C9orf85: variants seen among roughly 807,000 people sequenced by gnomAD.
The protein encoded by C9orf85 is chromosome 9 open reading frame 85, also known as uncharacterized protein C9orf85.
A neutral mutation model predicts 14.9 loss-of-function variants in C9orf85; 16 were observed. The observed-to-expected ratio is 1.08, with a 90% CI of 0.73 to 1.63. The LOEUF (loss-of-function observed/expected upper bound fraction) is 1.63, where lower values mean the gene tolerates loss of function less well. Among genes scored for constraint, C9orf85 ranks in the 40% most tolerant of loss-of-function variants. C9orf85 has a pLI of 0.00. For synonymous variants in C9orf85, 45 were observed against 56.8 expected (o/e 0.79, Z 0.93); for missense variants, 172 against 186.1 (o/e 0.92, Z 0.44).
chr9:71,939,211 TTGTATGATTTTCTTA>T (rs1828271883), intron 1 of C9orf85, among the ~76,000 whole-genome samples: 1 of 151,912 alleles, frequency 6.6e-6, no homozygotes, highest in Non-Finnish European at 1.5e-5. Context: ...TGCTATATTA[TTGTATGATTTTCTTA>T]TGTGTGATTT....
At chr9:71,931,326 A>G (rs1396516400) in intron 1 of C9orf85, among the ~76,000 whole-genome samples, 7 of 152,146 alleles carry the variant, frequency 4.6e-5, no homozygotes, top group Non-Finnish European at 1.0e-4. Flanking sequence ...GTTTCTGCGT[A>G]TGCTAGACTA....
intron 1 of C9orf85, among the ~76,000 whole-genome samples, chr9:71,933,649 C>G (rs2132279814): frequency 6.6e-6 from 1 of 152,250 alleles, no homozygotes; most frequent in Admixed American, 6.5e-5. Context: ...AAGTTATATT[C>G]AGGAGATACT....
chr9:71,933,889 T>A (rs1828128738), intron 1 of C9orf85, among the ~76,000 whole-genome samples: 1 of 152,184 alleles, frequency 6.6e-6, no homozygotes. Context: ...CCCGAATTTT[T>A]AGACAAAGTT....
intron 2 of C9orf85, among the ~76,000 whole-genome samples, chr9:71,967,713 CTTTTTTTTTT>C (rs55750667): frequency 1.6e-4 from 15 of 94,086 alleles, no homozygotes; most frequent in Admixed American, 8.3e-4. Context: ...TATGACCTTT[CTTTTTTTTTT>C]TTTTTTTTTT....
At chr9:71,925,031 T>C (rs1827897898) in intron 1 of C9orf85, among the ~76,000 whole-genome samples, 1 of 152,200 alleles carries the variant, frequency 6.6e-6, no homozygotes, top group Non-Finnish European at 1.5e-5. Flanking sequence ...TCTCATATGA[T>C]GATTCAATGT....
At chr9:71,944,200 C>T (rs1822023373) in intron 1 of C9orf85, among the ~76,000 whole-genome samples, 1 of 149,390 alleles carries the variant, frequency 6.7e-6, no homozygotes, top group South Asian at 2.1e-4. Flanking sequence ...CCCCACTGCA[C>T]ACCAGTCTGG....
At chr9:71,949,850 T>C (rs1822200244) in intron 2 of C9orf85, among the ~76,000 whole-genome samples, 1 of 152,186 alleles carries the variant, frequency 6.6e-6, no homozygotes, top group Admixed American at 6.5e-5. Flanking sequence ...TTTTTAGAGA[T>C]AAGCATGGTC....
At position 71,912,521 on chromosome 9, in the gene C9orf85, T is replaced by C. The variant is rs1002099329; in HGVS notation, c.102+685T>C. Among the ~76,000 whole-genome samples the C allele has an allele frequency of 2.6e-5, 4 of 151,546 alleles. No individual in the cohort carries two copies. In the East Asian group the frequency reaches 7.7e-4, roughly 29 times the overall value. On this transcript the variant is annotated intron_variant, in intron 1 of 3. Coordinates refer to ENST00000334731, the MANE Select transcript of C9orf85 (RefSeq NM_182505.5). ...CAGCACTTTGGGAGGCCGAAGCGGG[T>C]GGATCACCTGAGGTCAGGAGTTCGA... is the stretch of plus-strand genomic sequence containing the variant.
intron 2 of C9orf85, among the ~76,000 whole-genome samples, chr9:71,967,775 GA>G (rs1822736992): frequency 7.6e-6 from 1 of 130,958 alleles, no homozygotes; most frequent in Non-Finnish European, 1.5e-5. Context: ...ATATCATGCT[GA>G]AAAGGAGTGT....
intron 2 of C9orf85, among the ~76,000 whole-genome samples, chr9:71,968,101 T>TAG (rs3044594): frequency 0.012 from 1,759 of 146,792 alleles, 35 homozygotes; most frequent in African/African-American, 0.04. Context: ...TATATATATA[T>TAG]AGAGAGAGAG....
At chr9:71,926,121 G>T (rs553221979) in intron 1 of C9orf85, among the ~76,000 whole-genome samples, 1 of 152,296 alleles carries the variant, frequency 6.6e-6, no homozygotes, top group African/African-American at 2.4e-5. Context: ...CAGAGCCAGG[G>T]ATTGTATAAT....
Position 71,935,890 on chromosome 9 carries a change from G to C in C9orf85, c.103-11116G>C, listed in dbSNP as rs151182075. Among the ~76,000 whole-genome samples the C allele has an allele frequency of 3.4e-3, 295 of 86,942 alleles. 1 individual carries two copies. The highest frequency in any genetic ancestry group is 0.011 in the African/African-American group (284 of 25,002). The allele number at this position is 86,942 out of a possible 152,430, so 57.0% of individuals were successfully genotyped here. Reference sequence around the variant, plus strand: ...TAAGTTGGTAAATTTTATGCTCTGTGTATTTACCAGGGGAGAAACAGAAAA... The same window carrying C: ...TAAGTTGGTAAATTTTATGCTCTGTCTATTTACCAGGGGAGAAACAGAAAA... On this transcript the variant is annotated intron_variant, in intron 1 of 3. Transcript: ENST00000334731.
intron 2 of C9orf85, among the ~76,000 whole-genome samples, chr9:71,961,889 C>T (rs891030015): frequency 3.9e-5 from 6 of 151,942 alleles, no homozygotes; most frequent in African/African-American, 1.2e-4. Context: ...ATTTTGTACC[C>T]GTTATGAATT....
intron 2 of C9orf85, among the ~76,000 whole-genome samples, chr9:71,949,089 C>G (rs1331163932): frequency 1.3e-5 from 2 of 152,078 alleles, no homozygotes; most frequent in Non-Finnish European, 2.9e-5. Flanking sequence ...AGATTTGTAG[C>G]TTTCTGAATA....
At chr9:71,976,693 T>C (rs1823006777), downstream of C9orf85, among the ~76,000 whole-genome samples, 1 of 148,372 alleles carries the variant, frequency 6.7e-6, no homozygotes, top group Non-Finnish European at 1.5e-5. Flanking sequence ...ATTCCTGGGA[T>C]ATTGTGGTTC....
chr9:71,923,799 C>G (rs552781007), intron 1 of C9orf85, among the ~76,000 whole-genome samples: 1 of 152,178 alleles, frequency 6.6e-6, no homozygotes, highest in Non-Finnish European at 1.5e-5. Context: ...TGAGGCTAGC[C>G]GCTCCACAAC....
chr9:71,944,859 T>A (rs575374564), intron 1 of C9orf85, among the ~76,000 whole-genome samples: 98 of 152,324 alleles, frequency 6.4e-4, no homozygotes, highest in African/African-American at 2.3e-3. Flanking sequence ...GTTAGTCATA[T>A]GAACCCTGTA....
At chr9:71,938,479 TAGC>T (rs1458456931) in intron 1 of C9orf85, among the ~76,000 whole-genome samples, 2 of 152,058 alleles carry the variant, frequency 1.3e-5, no homozygotes, top group Non-Finnish European at 2.9e-5. Context: ...TTTATTATAA[TAGC>T]AACAATGTTT....
chr9:71,923,612 CTG>C (rs1250720611), intron 1 of C9orf85, among the ~76,000 whole-genome samples: 2 of 152,264 alleles, frequency 1.3e-5, no homozygotes, highest in Non-Finnish European at 2.9e-5. Flanking sequence ...ATCAGTGTAA[CTG>C]TTCTTTTGCA....
Sources: gnomAD v4.1 joint callset for allele counts (sites outside exome capture counted in the v4.1 genomes callset) on GRCh38, gnomAD v4.1.1 for gene constraint, MANE v1.5 for transcripts, NCBI Gene and HGNC (gene_info 2026-07-23, HGNC 2026-07-21) for gene names.